The following TAPBPL variants were observed in gnomAD, a reference collection of about 807,000 sequenced individuals.
TAPBPL encodes the protein TAP binding protein like.
In TAPBPL, 32 loss-of-function variants were observed where a neutral mutation model predicts 44.8. The observed-to-expected ratio is 0.71, with a 90% confidence interval of 0.54 to 0.96. The LOEUF is 0.96. TAPBPL is among the 40% of genes least tolerant of loss of function. TAPBPL has a pLI of 0.00. For synonymous variants in TAPBPL, 230 were observed against 240.7 expected, an observed-to-expected ratio of 0.96 and a Z score of 0.41; for missense variants, 520 against 586.6, an observed-to-expected ratio of 0.89 and a Z score of 1.17.
intron 5 of TAPBPL, 69 bp downstream of exon 5, chr12:6,459,016 T>C (rs1949776028): frequency 6.5e-7 from 1 of 1,529,774 alleles, no homozygotes. Flanking sequence ...CCAGCTCATC[T>C]ATGGCCTTGT....
intron 3 of TAPBPL, among the ~76,000 whole-genome samples, chr12:6,454,824 T>G (rs1949662346): frequency 6.6e-6 from 1 of 152,148 alleles, no homozygotes; most frequent in Non-Finnish European, 1.5e-5. Context: ...GAGAACATGA[T>G]GACAGGGTTC....
At position 6,452,160 on chromosome 12, in the gene TAPBPL, G is replaced by C; in HGVS notation, c.-89G>C. 6.8e-7 allele frequency: 1 copy of C among 1,478,678 alleles called. No homozygotes were observed. Among genetic ancestry groups the C allele is most frequent in the Non-Finnish European group, 9.2e-7 (1 of 1,082,596 alleles). 91.6% of individuals were successfully genotyped at this position (1,478,678 alleles called of 1,614,324 possible). On this transcript the variant is annotated 5_prime_UTR_variant, in exon 1 of 7. Transcript: ENST00000266556. ...GGCTGCAGGCTGCCAGGTGTGCTTG[G>C]AGAGCCCCCTTCTTCCGCCGGGCCT...
At chr12:6,457,094 T>TG (rs1431894388) in intron 3 of TAPBPL, among the ~76,000 whole-genome samples, 1 of 152,252 alleles carries the variant, frequency 6.6e-6, no homozygotes, top group Admixed American at 6.5e-5. Flanking sequence ...TTTCTGCTAC[T>TG]CTAGTAGTTC....
At chr12:6,456,636 G>GT (rs1295626283) in intron 3 of TAPBPL, among the ~76,000 whole-genome samples, 4 of 150,766 alleles carry the variant, frequency 2.7e-5, no homozygotes, top group Non-Finnish European at 4.4e-5. Flanking sequence ...TACCACGTGT[G>GT]TTTTTTTGTT....
downstream of TAPBPL, chr12:6,470,625 C>G: frequency 2.6e-6 from 4 of 1,540,058 alleles, no homozygotes; most frequent in Non-Finnish European, 3.6e-6. Context: ...ACGGAACTGC[C>G]AAGCTCCGCC....
chr12:6,460,831 C>T lies in TAPBPL; in HGVS notation c.1208-24C>T, dbSNP rs368297285. On this transcript the variant is annotated intron_variant, in intron 5 of 6. Transcript: ENST00000266556. ...CATGATTCCTGCGCACGATGATCCC[C>T]GCCCACGTTGCTCTCACCTACAGAG... 4.0e-5 allele frequency: 64 copies of T among 1,612,900 alleles called. No individual in the cohort carries two copies. The African/African-American group carries it at 7.3e-4, about 18-fold the overall frequency.
At chr12:6,463,306 C>G, downstream of TAPBPL, 3 of 1,220,052 alleles carry the variant, frequency 2.5e-6, no homozygotes, top group East Asian at 1.3e-4. This position sits in a 1 kb window ranked among gnomAD's most constrained non-coding sequence, Gnocchi z 4.0. Flanking sequence ...ACACCTGACA[C>G]AGGCTGGCAC....
At position 6,452,272 on chromosome 12, in the gene TAPBPL, C is replaced by T. The variant is rs1949568065; in HGVS notation, c.24C>T (p.Cys8=). The T allele has an allele frequency of 6.4e-7, 1 of 1,574,612 alleles. No individual in the cohort carries two copies. The highest frequency in any genetic ancestry group is 1.9e-5 in the Admixed American group (1 of 52,164). The change falls in exon 1 of 7, where the codon TGC becomes TGT. Residue 8 remains cysteine, a synonymous_variant. Coordinates refer to ENST00000266556, the MANE Select transcript of TAPBPL (RefSeq NM_018009.5). ...CCATGGGCACACAGGAGGGCTGGTG[C>T]CTGCTGCTCTGCCTGGCTCTATCTG... MGTQEGW[C]LLLCLALSGA... is the part of the protein sequence containing the mutation.
rs1043240560 is a variant in TAPBPL, at chr12:6,461,431, G to A, written c.1291+493G>A. 4.6e-5 allele frequency: 46 copies of A among 1,002,922 alleles called. No individual in the cohort carries two copies. In the East Asian group the frequency reaches 6.3e-4, roughly 14 times the overall value. 62.1% of individuals were successfully genotyped at this position (1,002,922 alleles called of 1,614,324 possible). ...GTAGGAAAACAAAGCTGGAGGAAAT[G>A]GAGAAGGAACAAGTGAGGGACAATG... On this transcript the variant is annotated intron_variant, in intron 6 of 6. Coordinates refer to ENST00000266556, the MANE Select transcript of TAPBPL (RefSeq NM_018009.5).
chr12:6,470,444 T>C, downstream of TAPBPL: 2 of 1,594,656 alleles, frequency 1.3e-6, no homozygotes, highest in Non-Finnish European at 1.7e-6. Context: ...GCTGCTGCAT[T>C]GCGCCATTTT....
chr12:6,462,247 G>T lies in TAPBPL; in HGVS notation c.*98G>T. 9.3e-7 allele frequency: 1 copy of T among 1,080,812 alleles called. No homozygotes were observed. The highest frequency in any genetic ancestry group is 1.6e-5 in the South Asian group (1 of 63,786). The allele number at this position is 1,080,812 out of a possible 1,614,324, so 67.0% of individuals were successfully genotyped here. ...CAACAACCAAGCCAGTTTAATGGTA[G>T]GAATTTGTATTTTTTGCCTTTGTTC... On this transcript the variant is annotated 3_prime_UTR_variant, in exon 7 of 7. Transcript: ENST00000266556.
At chr12:6,465,800 G>A (rs377398068), downstream of TAPBPL, 181 of 1,609,152 alleles carry the variant, frequency 1.1e-4, 1 homozygote, top group Middle Eastern at 1.2e-3. Flanking sequence ...TTCTACCAGT[G>A]GAAGCCCAGG....
downstream of TAPBPL, chr12:6,463,657 T>A (rs1314749333): frequency 9.2e-7 from 1 of 1,086,808 alleles, no homozygotes; most frequent in Non-Finnish European, 1.1e-6. The surrounding 1 kb of genome is among the most constrained non-coding windows in gnomAD (Gnocchi z 4.0). Flanking sequence ...TAGGTTAAAT[T>A]ATTTGGCTAG....
chr12:6,462,221 A>C lies in TAPBPL; in HGVS notation c.*72A>C. On this transcript the variant is annotated 3_prime_UTR_variant, in exon 7 of 7. Coordinates refer to ENST00000266556, the MANE Select transcript of TAPBPL (RefSeq NM_018009.5). The stretch of plus-strand genomic sequence containing the variant: ...AGCCCCCACAGCTACTCCAACCCAA[A>C]CAACAACCAAGCCAGTTTAATGGTA... The C allele has an allele frequency of 1.5e-6, 2 of 1,315,754 alleles. No individual in the cohort carries two copies. The highest frequency in any genetic ancestry group is 2.1e-6 in the Non-Finnish European group (2 of 952,858). 81.5% of individuals were successfully genotyped at this position (1,315,754 alleles called of 1,614,324 possible). A position where few individuals can be genotyped will look rare whatever the true frequency, so the allele number is the denominator to read the frequency against.
chr12:6,464,884 A>C (rs775308504), downstream of TAPBPL: 4 of 1,614,046 alleles, frequency 2.5e-6, no homozygotes, highest in Non-Finnish European at 3.4e-6. Context: ...CTTCAGCGAT[A>C]CTTACTTACA....
At chr12:6,463,291 C>A, downstream of TAPBPL, 1 of 1,277,894 alleles carries the variant, frequency 7.8e-7, no homozygotes, top group Non-Finnish European at 9.9e-7. The surrounding 1 kb of genome is among the most constrained non-coding windows in gnomAD (Gnocchi z 4.0). Flanking sequence ...CAGCAATACA[C>A]AAGCACACCT....
chr12:6,470,221 C>A (rs1400089254), downstream of TAPBPL, among the ~76,000 whole-genome samples: 1 of 152,058 alleles, frequency 6.6e-6, no homozygotes, highest in Non-Finnish European at 1.5e-5. Context: ...CCACCCCCAG[C>A]CCCCGCCCTC....
At chr12:6,463,273 T>G (rs1949927604), downstream of TAPBPL, 1 of 1,337,512 alleles carries the variant, frequency 7.5e-7, no homozygotes, top group Admixed American at 3.3e-5. This position sits in a 1 kb window ranked among gnomAD's most constrained non-coding sequence, Gnocchi z 4.0. Context: ...GAGGGCCCCA[T>G]GACAGCACAG....
At chr12:6,459,918 G>A (rs1025705877) in intron 5 of TAPBPL, among the ~76,000 whole-genome samples, 3 of 151,232 alleles carry the variant, frequency 2.0e-5, no homozygotes, top group African/African-American at 7.3e-5. Context: ...TTACAGGCGC[G>A]CACCACCACG....
Sources: gnomAD v4.1 joint callset for allele counts (sites outside exome capture counted in the v4.1 genomes callset) on GRCh38, gnomAD v4.1.1 for gene constraint, Gnocchi (gnomAD v3.1) non-coding constraint, MANE v1.5 for transcripts, NCBI Gene and HGNC (gene_info 2026-07-23, HGNC 2026-07-21) for gene names.